The following MAD1L1 variants were observed in gnomAD, a reference collection of about 807,000 sequenced individuals.
MAD1L1 encodes the protein mitotic arrest deficient 1 like 1.
In MAD1L1, 95 loss-of-function variants were observed where a neutral mutation model predicts 96.9. That is an observed-to-expected ratio of 0.98 (90% CI 0.83 to 1.16). The LOEUF is 1.16. Among genes scored for constraint, MAD1L1 ranks in the 50% most tolerant of loss-of-function variants. The pLI is 0.00. For missense variants in MAD1L1, 1,007 were observed against 954.4 expected (o/e 1.06, Z -0.73); for synonymous variants, 473 against 396.6 (o/e 1.19, Z -2.29).
intron 10 of MAD1L1, among the ~76,000 whole-genome samples, chr7:2,212,346 C>T (rs930976005): frequency 2.0e-5 from 3 of 152,216 alleles, no homozygotes; most frequent in African/African-American, 7.2e-5. Context: ...CTGCTACAAG[C>T]ACCAGACAAT....
At chr7:1,996,050 G>A (rs537493540) in intron 14 of MAD1L1, among the ~76,000 whole-genome samples, 2 of 152,362 alleles carry the variant, frequency 1.3e-5, no homozygotes, top group South Asian at 4.1e-4. Context: ...GCTCACAGCT[G>A]CCTGGTCCAT....
chr7:2,124,379 C>T (rs1288472570), intron 11 of MAD1L1, among the ~76,000 whole-genome samples: 1 of 152,204 alleles, frequency 6.6e-6, no homozygotes, highest in African/African-American at 2.4e-5. Flanking sequence ...GGGAAGAGCC[C>T]AACGTGCCGA....
At chr7:1,858,826 G>A (rs759086498) in intron 18 of MAD1L1, among the ~76,000 whole-genome samples, 40 of 152,326 alleles carry the variant, frequency 2.6e-4, no homozygotes, top group Non-Finnish European at 2.1e-4. Flanking sequence ...TCACGAGCAC[G>A]GGCAGTCAGA....
chr7:2,153,840 G>T (rs1008793222), intron 10 of MAD1L1, among the ~76,000 whole-genome samples: 6 of 152,222 alleles, frequency 3.9e-5, no homozygotes, highest in Admixed American at 6.5e-5. Flanking sequence ...TACACACAGT[G>T]GAATGCTATC....
chr7:1,905,757 G>A (rs1031894047), intron 17 of MAD1L1, among the ~76,000 whole-genome samples: 11 of 152,156 alleles, frequency 7.2e-5, no homozygotes, highest in Non-Finnish European at 1.0e-4. Flanking sequence ...ATGATTTTAA[G>A]AGGAACCTGG....
intron 11 of MAD1L1, among the ~76,000 whole-genome samples, chr7:2,133,323 C>G (rs1211758966): frequency 6.6e-6 from 1 of 151,730 alleles, no homozygotes; most frequent in Non-Finnish European, 1.5e-5. Context: ...TCCGCACGTG[C>G]TTCTCCGTCA....
chr7:2,058,550 C>T (rs111162084), intron 12 of MAD1L1, among the ~76,000 whole-genome samples: 13 of 61,792 alleles, frequency 2.1e-4, no homozygotes, highest in South Asian at 1.0e-3. Flanking sequence ...GGAGTGTGGC[C>T]AGAGGAGAGA....
At chr7:2,104,053 G>A (rs1438115298) in intron 11 of MAD1L1, among the ~76,000 whole-genome samples, 1 of 152,264 alleles carries the variant, frequency 6.6e-6, no homozygotes, top group Non-Finnish European at 1.5e-5. Context: ...TCTCGTGGCA[G>A]ATAAGTAATG....
intron 15 of MAD1L1, among the ~76,000 whole-genome samples, chr7:1,972,602 G>GC (rs1780454174): frequency 1.5e-4 from 1 of 6,522 alleles, no homozygotes. Flanking sequence ...CAATTTTATT[G>GC]AATTTTTTTT....
At chr7:2,217,715 A>C (rs1267865597) in intron 7 of MAD1L1, among the ~76,000 whole-genome samples, 2 of 152,154 alleles carry the variant, frequency 1.3e-5, no homozygotes, top group African/African-American at 4.8e-5. Flanking sequence ...CATCACACAC[A>C]CGGACATTTT....
chr7:1,908,218 C>T (rs556056200), intron 17 of MAD1L1, among the ~76,000 whole-genome samples: 8 of 152,302 alleles, frequency 5.3e-5, no homozygotes, highest in Admixed American at 3.9e-4. Flanking sequence ...GCAGCTGCCC[C>T]GCAACTCTCG....
At chr7:2,033,258 C>T (rs967822383) in intron 12 of MAD1L1, among the ~76,000 whole-genome samples, 9 of 152,342 alleles carry the variant, frequency 5.9e-5, no homozygotes, top group African/African-American at 2.2e-4. Flanking sequence ...GGGCACAGAA[C>T]ACCTGGGTGC....
chr7:2,018,796 C>T (rs1245723225), intron 12 of MAD1L1, among the ~76,000 whole-genome samples: 1 of 152,124 alleles, frequency 6.6e-6, no homozygotes, highest in Non-Finnish European at 1.5e-5. Context: ...CCTCTGCCAC[C>T]AGTGCTGTGG....
intron 10 of MAD1L1, among the ~76,000 whole-genome samples, chr7:2,207,297 AAG>A (rs1270567199): frequency 1.3e-5 from 2 of 152,120 alleles, no homozygotes; most frequent in Admixed American, 6.6e-5. Context: ...CTGGAGTGAG[AAG>A]AGTGTCTCTT....
intron 12 of MAD1L1, among the ~76,000 whole-genome samples, chr7:2,057,585 G>C (rs180979892): frequency 6.6e-6 from 1 of 151,824 alleles, no homozygotes; most frequent in African/African-American, 2.4e-5. Flanking sequence ...ACTGAGTCTG[G>C]GTTTCTCCTT....
chr7:2,201,318 C>T (rs10251408), intron 10 of MAD1L1, among the ~76,000 whole-genome samples: 5 of 152,130 alleles, frequency 3.3e-5, no homozygotes, highest in African/African-American at 1.2e-4. Flanking sequence ...CCCCCTCCTA[C>T]CAGCCCTGTC....
In MAD1L1 at chr7:1,816,472, G is replaced by A. The variant is rs577314482; in HGVS notation, c.1999-244C>T. Among the ~76,000 whole-genome samples the A allele has an allele frequency of 4.1e-4, 63 of 152,286 alleles. 3 individuals are homozygous for A. The South Asian group carries it at 0.012, about 30-fold the overall frequency. ...CTACCCAGGCAGTTGGGGGTCCCAGGCACTGTGGGGTGTGCCCACCCAAGG... is the reference window on the plus strand; with the variant it reads ...CTACCCAGGCAGTTGGGGGTCCCAGACACTGTGGGGTGTGCCCACCCAAGG... On this transcript the variant is annotated intron_variant, in intron 18 of 18. Coordinates refer to ENST00000265854, the MANE Select transcript of MAD1L1 (RefSeq NM_001013836.2).
At chr7:2,150,118 C>T (rs550774108) in intron 10 of MAD1L1, among the ~76,000 whole-genome samples, 5 of 152,316 alleles carry the variant, frequency 3.3e-5, no homozygotes, top group East Asian at 3.9e-4. Context: ...GAGCCCGCAC[C>T]GCACCACTGA....
intron 10 of MAD1L1, among the ~76,000 whole-genome samples, chr7:2,169,921 G>C (rs915898050): frequency 6.6e-5 from 9 of 135,346 alleles, no homozygotes; most frequent in African/African-American, 2.3e-4. Context: ...GGCCCACCGG[G>C]GGCACTTGGA....
Sources: gnomAD v4.1 joint callset for allele counts (sites outside exome capture counted in the v4.1 genomes callset) on GRCh38, gnomAD v4.1.1 for gene constraint, MANE v1.5 for transcripts, NCBI Gene and HGNC (gene_info 2026-07-23, HGNC 2026-07-21) for gene names.